OSBPL10: variants seen among roughly 807,000 people sequenced by gnomAD.
OSBPL10 encodes the protein oxysterol-binding protein-related protein 10.
OSBPL10 carries 49 observed loss-of-function variants against 81.7 expected under a neutral mutation model. The observed-to-expected ratio is 0.60, with a 90% CI of 0.48 to 0.76. The LOEUF (loss-of-function observed/expected upper bound fraction) is 0.76, where lower values mean the gene tolerates loss of function less well. Among genes scored for constraint, OSBPL10 ranks in the 30% least tolerant of loss-of-function variants. OSBPL10 has a pLI of 0.00. For synonymous variants in OSBPL10, 419 were observed against 383.6 expected, an observed-to-expected ratio of 1.09 and a Z score of -1.08; for missense variants, 923 against 987.8, an observed-to-expected ratio of 0.93 and a Z score of 0.88.
At chr3:31,849,737 G>A (rs1210500359) in intron 3 of OSBPL10, among the ~76,000 whole-genome samples, 2 of 152,288 alleles carry the variant, frequency 1.3e-5, no homozygotes, top group South Asian at 2.1e-4. Context: ...ACACTGGCAT[G>A]AAAAAATTTC....
intron 3 of OSBPL10, among the ~76,000 whole-genome samples, chr3:31,851,517 G>A (rs1700764646): frequency 6.6e-6 from 1 of 152,204 alleles, no homozygotes; most frequent in Non-Finnish European, 1.5e-5. Context: ...CCCATGAGGA[G>A]GGCCAGAAGG....
chr3:31,833,465 T>G (rs1700292854), intron 3 of OSBPL10, among the ~76,000 whole-genome samples: 1 of 152,186 alleles, frequency 6.6e-6, no homozygotes, highest in Admixed American at 6.5e-5. Flanking sequence ...GTGCCTGACA[T>G]GCAGAAGCTG....
chr3:31,886,299 C>T (rs1695734657), intron 1 of OSBPL10, among the ~76,000 whole-genome samples: 1 of 152,142 alleles, frequency 6.6e-6, no homozygotes, highest in Non-Finnish European at 1.5e-5. Flanking sequence ...CCTTACATAG[C>T]CACATTACTG....
At chr3:31,962,118 C>T (rs1370874529) in intron 1 of OSBPL10, among the ~76,000 whole-genome samples, 5 of 151,768 alleles carry the variant, frequency 3.3e-5, no homozygotes, top group Non-Finnish European at 5.9e-5. Flanking sequence ...CCACGCCCAG[C>T]TAATTTTTTT....
intron 3 of OSBPL10, among the ~76,000 whole-genome samples, chr3:31,866,423 GAC>G (rs960973506): frequency 6.6e-6 from 1 of 152,116 alleles, no homozygotes; most frequent in Non-Finnish European, 1.5e-5. Context: ...GTGGCTTCAG[GAC>G]ACACAGCCTT....
intron 3 of OSBPL10, among the ~76,000 whole-genome samples, chr3:31,874,354 C>G (rs948169238): frequency 6.6e-6 from 1 of 151,636 alleles, no homozygotes; most frequent in Non-Finnish European, 1.5e-5. Flanking sequence ...AAACCAAAAG[C>G]CAAAAATAAA....
At chr3:31,939,494 G>A (rs755435714) in intron 1 of OSBPL10, among the ~76,000 whole-genome samples, 6 of 148,372 alleles carry the variant, frequency 4.0e-5, no homozygotes, top group East Asian at 2.0e-4. Context: ...CAGACCTAAC[G>A]CCTGCTCCAA....
At chr3:31,952,233 T>C (rs1029417125) in intron 1 of OSBPL10, among the ~76,000 whole-genome samples, 36 of 151,782 alleles carry the variant, frequency 2.4e-4, no homozygotes, top group African/African-American at 7.8e-4. Flanking sequence ...TTAGGTGGAT[T>C]AAGAAATATG....
At chr3:31,787,658 G>A (rs13094960) in intron 4 of OSBPL10, among the ~76,000 whole-genome samples, 83,242 of 151,164 alleles carry the variant, frequency 0.55, 24,134 homozygotes, top group East Asian at 0.79. Context: ...GGATTAGCCA[G>A]CCGGTTCAGC....
rs772418572 is a variant in OSBPL10, at chr3:31,733,348, A to G, written c.1004T>C (p.Leu335Pro). The G allele has an allele frequency of 6.2e-7, 1 of 1,613,948 alleles. No individual in the cohort carries two copies. The highest frequency in any genetic ancestry group is 8.5e-7 in the Non-Finnish European group (1 of 1,179,988). The change falls in exon 6 of 12, where the codon CTT becomes CCT. Residue 335 changes from leucine (L) to proline (P), a missense_variant. Physicochemically the swap from Leu to Pro is moderately conservative, Grantham distance 98. Transcript: ENST00000396556. ...HSTEQLKNGT[L>P]GSLPSASANI... ...GGCACTGGCTGATGGCAAAGAGCCA[A>G]GTGTCCCATTTTTCAGCTGCTCTGT...
At chr3:31,914,499 T>G (rs1696689646) in intron 1 of OSBPL10, among the ~76,000 whole-genome samples, 1 of 152,192 alleles carries the variant, frequency 6.6e-6, no homozygotes, top group African/African-American at 2.4e-5. Flanking sequence ...TTTTTGTCAG[T>G]ATATCTCATG....
At chr3:31,941,242 C>G (rs1020945285) in intron 1 of OSBPL10, among the ~76,000 whole-genome samples, 3 of 152,092 alleles carry the variant, frequency 2.0e-5, no homozygotes, top group Admixed American at 2.0e-4. Context: ...TGTATTATAT[C>G]AAGATCCGGT....
At chr3:32,071,596 A>C (rs4955232) in intron 1 of OSBPL10, among the ~76,000 whole-genome samples, 1 of 150,864 alleles carries the variant, frequency 6.6e-6, no homozygotes, top group East Asian at 1.9e-4. Context: ...TCATGTCTCC[A>C]TGCGGCGGCT....
chr3:31,917,722 T>G (rs367825857), intron 1 of OSBPL10, among the ~76,000 whole-genome samples: 28 of 149,280 alleles, frequency 1.9e-4, no homozygotes, highest in African/African-American at 6.7e-4. Flanking sequence ...ACATGTAACC[T>G]TGACTGGACT....
chr3:31,824,662 A>C (rs1484284000), intron 4 of OSBPL10, among the ~76,000 whole-genome samples: 10 of 152,130 alleles, frequency 6.6e-5, no homozygotes, highest in Admixed American at 6.6e-4. Context: ...GTGATCATAC[A>C]TCTGTGCTCT....
chr3:31,876,247 C>G (rs1701466976), intron 3 of OSBPL10, among the ~76,000 whole-genome samples, 186 bp downstream of exon 3: 1 of 152,194 alleles, frequency 6.6e-6, no homozygotes, highest in Non-Finnish European at 1.5e-5. Flanking sequence ...CGTATTCTAC[C>G]TACAAGAAAA....
chr3:31,706,504 T>C (rs1393070396), intron 6 of OSBPL10, among the ~76,000 whole-genome samples: 2 of 150,890 alleles, frequency 1.3e-5, no homozygotes, highest in Non-Finnish European at 2.9e-5. Context: ...CATCTACAGA[T>C]GTGACTCTGC....
intron 2 of OSBPL10, chr3:31,986,381 A>G (rs995011906): frequency 3.3e-5 from 5 of 152,170 alleles, no homozygotes; most frequent in Non-Finnish European, 7.3e-5. Context: ...CTTACCATCC[A>G]GTGGGAAGAA....
chr3:32,041,639 C>T (rs1559553843), intron 2 of OSBPL10, among the ~76,000 whole-genome samples: 1 of 149,816 alleles, frequency 6.7e-6, no homozygotes, highest in African/African-American at 2.5e-5. Context: ...CTTTCTTTCT[C>T]TTTCTTTCTT....
Sources: gnomAD v4.1 joint callset for allele counts (sites outside exome capture counted in the v4.1 genomes callset) on GRCh38, gnomAD v4.1.1 for gene constraint, MANE v1.5 for transcripts, NCBI Gene and HGNC (gene_info 2026-07-23, HGNC 2026-07-21) for gene names.